VTI1A: variants seen among roughly 807,000 people sequenced by gnomAD.
VTI1A encodes the protein vesicle transport through interaction with t-SNAREs 1A, also known as vesicle transport through interaction with t-SNAREs homolog 1A.
VTI1A carries 22 observed loss-of-function variants against 34.9 expected under a neutral mutation model. The ratio of observed to expected loss-of-function variants is 0.63; its 90% CI spans 0.45 to 0.90. The LOEUF (loss-of-function observed/expected upper bound fraction) is 0.90, where lower values mean the gene tolerates loss of function less well. Among genes scored for constraint, VTI1A ranks in the 40% least tolerant of loss-of-function variants. VTI1A has a pLI of 0.00. For missense variants in VTI1A, 268 were observed against 275.6 expected (o/e 0.97, Z 0.20); for synonymous variants, 87 against 97.3 (o/e 0.89, Z 0.62).
intron 3 of VTI1A, among the ~76,000 whole-genome samples, chr10:112,524,370 T>C (rs1850142494): frequency 6.6e-6 from 1 of 152,190 alleles, no homozygotes; most frequent in South Asian, 2.1e-4. Flanking sequence ...GTTTCTGATA[T>C]TTGAAATGAG....
chr10:112,700,141 CA>C (rs1242861727), intron 7 of VTI1A, among the ~76,000 whole-genome samples: 91 of 104,082 alleles, frequency 8.7e-4, no homozygotes, highest in African/African-American at 2.4e-3. Context: ...AAAAACAAAA[CA>C]AAAAAAAAAA....
intron 5 of VTI1A, among the ~76,000 whole-genome samples, chr10:112,571,646 A>T (rs1342740094): frequency 6.6e-6 from 1 of 152,212 alleles, no homozygotes; most frequent in Non-Finnish European, 1.5e-5. Flanking sequence ...ATATGTATAT[A>T]TCCAAAGGAA....
At chr10:112,526,468 C>T (rs945745421) in intron 3 of VTI1A, among the ~76,000 whole-genome samples, 1 of 152,040 alleles carries the variant, frequency 6.6e-6, no homozygotes, top group Non-Finnish European at 1.5e-5. Context: ...ACTTTCATTA[C>T]TTTTCCTTAG....
At chr10:112,451,001 C>G (rs1167963990) in intron 1 of VTI1A, among the ~76,000 whole-genome samples, 2 of 152,124 alleles carry the variant, frequency 1.3e-5, no homozygotes, top group Non-Finnish European at 2.9e-5. Context: ...TTAAAGTAGT[C>G]TTTTTGCAAT....
chr10:112,523,829 C>T (rs1309342427), intron 3 of VTI1A, among the ~76,000 whole-genome samples: 3 of 152,048 alleles, frequency 2.0e-5, no homozygotes, highest in Non-Finnish European at 4.4e-5. Flanking sequence ...GAATTGGGTT[C>T]CTTCAAACTG....
At chr10:112,595,184 A>G (rs9663332) in intron 5 of VTI1A, among the ~76,000 whole-genome samples, 100,106 of 124,402 alleles carry the variant, frequency 0.8, 40,944 homozygotes, top group African/African-American at 0.92. Flanking sequence ...AGACTTAAAC[A>G]TTAGACCTAA....
chr10:112,749,701 A>T (rs1851033274), intron 7 of VTI1A, among the ~76,000 whole-genome samples: 1 of 152,218 alleles, frequency 6.6e-6, no homozygotes, highest in African/African-American at 2.4e-5. Context: ...AGCAAATAAT[A>T]CATATAGGAG....
Position 112,788,362 on chromosome 10 carries a change from C to T in VTI1A, c.561-26928C>T, listed in dbSNP as rs1852359374. Among the ~76,000 whole-genome samples the T allele has an allele frequency of 2.0e-5, 3 of 152,126 alleles. No homozygotes were observed. The South Asian group carries it at 6.2e-4, about 32-fold the overall frequency. On this transcript the variant is annotated intron_variant, in intron 7 of 7. Transcript: ENST00000393077. ...GTGTATGTTTATCATCATTGTATCT[C>T]CTCAATACATTGATTGTCTTATATT...
At chr10:112,785,849 C>T (rs1385175291) in intron 7 of VTI1A, among the ~76,000 whole-genome samples, 1 of 152,200 alleles carries the variant, frequency 6.6e-6, no homozygotes, top group African/African-American at 2.4e-5. Flanking sequence ...ACCCAGACTA[C>T]ACCGTCTTGA....
chr10:112,552,191 A>G (rs1352451734), intron 5 of VTI1A, among the ~76,000 whole-genome samples: 2 of 152,242 alleles, frequency 1.3e-5, no homozygotes, highest in African/African-American at 2.4e-5. Context: ...GTATCAATCA[A>G]TAAATTACCT....
chr10:112,541,904 A>G (rs1564819553), intron 5 of VTI1A, among the ~76,000 whole-genome samples: 1 of 152,336 alleles, frequency 6.6e-6, no homozygotes, highest in East Asian at 1.9e-4. Context: ...TTGACAGAAC[A>G]CTACACTGGT....
At chr10:112,660,132 G>A (rs34421267) in intron 5 of VTI1A, among the ~76,000 whole-genome samples, 28,880 of 151,964 alleles carry the variant, frequency 0.19, 3,857 homozygotes, top group African/African-American at 0.38. Context: ...ACAGAGTCTC[G>A]CTCTGTCACC....
chr10:112,761,114 A>C (rs1018771877), intron 7 of VTI1A, among the ~76,000 whole-genome samples: 2 of 152,168 alleles, frequency 1.3e-5, no homozygotes, highest in Admixed American at 6.5e-5. Context: ...AGGCTCATGC[A>C]TACCATGGAC....
At chr10:112,763,779 G>A (rs1328597615) in intron 7 of VTI1A, among the ~76,000 whole-genome samples, 5 of 152,124 alleles carry the variant, frequency 3.3e-5, no homozygotes, top group South Asian at 2.1e-4. Context: ...AATGCACATC[G>A]AGGTCATTGA....
chr10:112,701,740 G>A (rs1277046708), intron 7 of VTI1A, among the ~76,000 whole-genome samples: 1 of 152,200 alleles, frequency 6.6e-6, no homozygotes, highest in East Asian at 1.9e-4. Flanking sequence ...CTAGGGGAAT[G>A]TTGGTATTTG....
At chr10:112,763,301 A>C (rs913637241) in intron 7 of VTI1A, among the ~76,000 whole-genome samples, 1 of 152,046 alleles carries the variant, frequency 6.6e-6, no homozygotes, top group East Asian at 1.9e-4. Context: ...TTAGCCGGGC[A>C]TGGTGGCAGG....
chr10:112,522,937 A>G (rs952308059), intron 3 of VTI1A, among the ~76,000 whole-genome samples: 1 of 152,088 alleles, frequency 6.6e-6, no homozygotes, highest in African/African-American at 2.4e-5. Context: ...ACGCCATGGA[A>G]ATTAAATTCT....
chr10:112,848,987 A>G, the VTI1A span, among the ~76,000 whole-genome samples: 1 of 152,300 alleles, frequency 6.6e-6, no homozygotes, highest in Non-Finnish European at 1.5e-5. Context: ...TTCTACATGC[A>G]GTTCCCAACA....
chr10:112,653,264 A>G (rs1847104633), intron 5 of VTI1A, among the ~76,000 whole-genome samples: 1 of 152,184 alleles, frequency 6.6e-6, no homozygotes, highest in Admixed American at 6.5e-5. Context: ...CCCTGCCTCC[A>G]GACCCTATTC....
Sources: gnomAD v4.1 joint callset for allele counts (sites outside exome capture counted in the v4.1 genomes callset) on GRCh38, gnomAD v4.1.1 for gene constraint, MANE v1.5 for transcripts, NCBI Gene and HGNC (gene_info 2026-07-23, HGNC 2026-07-21) for gene names.